RBL2: variants seen among roughly 807,000 people sequenced by gnomAD.
RBL2 encodes the protein retinoblastoma-like protein 2.
A neutral mutation model predicts 126.0 loss-of-function variants in RBL2; 56 were observed. The ratio of observed to expected loss-of-function variants is 0.44; its 90% CI spans 0.36 to 0.56. RBL2 has a LOEUF of 0.56. Ranked by LOEUF, RBL2 falls within the 20% of genes least tolerant of loss-of-function variation. RBL2 has a pLI of 0.00. For synonymous variants in RBL2, 454 were observed against 478.5 expected, an observed-to-expected ratio of 0.95 and a Z score of 0.67; for missense variants, 1,229 against 1,398.2, an observed-to-expected ratio of 0.88 and a Z score of 1.93.
At chr16:53,489,429 C>G (rs1688919654) in intron 21 of RBL2, 1 of 152,190 alleles carries the variant, frequency 6.6e-6, no homozygotes, top group Admixed American at 6.5e-5. Context: ...AACAAACTAG[C>G]AGAAAATAAT....
chr16:53,461,640 A>T, intron 9 of RBL2, 101 bp from the exon 10 acceptor site: 1 of 739,254 alleles, frequency 1.4e-6, no homozygotes, highest in Non-Finnish European at 2.1e-6. Flanking sequence ...TTCTGTTCAG[A>T]GTGTTTTATA....
At chr16:53,466,627 A>G (rs1001160745) in intron 13 of RBL2, 2 of 172,188 alleles carry the variant, frequency 1.2e-5, no homozygotes, top group Admixed American at 1.2e-4. Context: ...TCCTGTGAGA[A>G]TCTAATGCCA....
At chr16:53,469,854 G>C (rs1026921099) in intron 14 of RBL2, 62 bp from the exon 15 acceptor site, 2 of 1,471,808 alleles carry the variant, frequency 1.4e-6, no homozygotes, top group African/African-American at 2.8e-5. Flanking sequence ...TAAGAGCTTG[G>C]ACGGAAGTCA....
At chr16:53,485,393 G>A (rs188388786) in intron 21 of RBL2, among the ~76,000 whole-genome samples, 28 of 152,252 alleles carry the variant, frequency 1.8e-4, no homozygotes, top group African/African-American at 6.7e-4. Flanking sequence ...AAATTTGTGG[G>A]ATGTAGCTAA....
Position 53,434,537 on chromosome 16 carries a change from C to G in RBL2, c.-20C>G, listed in dbSNP as rs781547616. 3 of 1,433,288 alleles carry G rather than the reference C, an allele frequency of 2.1e-6. No homozygotes were observed. Among genetic ancestry groups the G allele is most frequent in the Non-Finnish European group, 2.7e-6 (3 of 1,099,768 alleles). The allele number at this position is 1,433,288 out of a possible 1,614,324, so 88.8% of individuals were successfully genotyped here. On this transcript the variant is annotated 5_prime_UTR_variant, in exon 1 of 22. Coordinates refer to ENST00000262133, the MANE Select transcript of RBL2 (RefSeq NM_005611.4). ...CCGGGCCCTCACCTCACCTGAGGTC[C>G]GGCCGCCCAGGGGTGCGCTATGCCG...
chr16:53,437,039 T>C (rs1364339618), intron 1 of RBL2, among the ~76,000 whole-genome samples: 1 of 151,412 alleles, frequency 6.6e-6, no homozygotes, highest in African/African-American at 2.5e-5. Flanking sequence ...GTTGTAAACT[T>C]TCTATTTTTT....
At position 53,434,521 on chromosome 16, in the gene RBL2, C is replaced by G. The variant is rs1183782468; in HGVS notation, c.-36C>G. 3 of 1,398,486 alleles carry G rather than the reference C, an allele frequency of 2.1e-6. No homozygotes were observed. Among genetic ancestry groups the G allele is most frequent in the South Asian group, 1.6e-5 (1 of 63,058 alleles). 86.6% of individuals were successfully genotyped at this position (1,398,486 alleles called of 1,614,324 possible). On this transcript the variant is annotated 5_prime_UTR_variant, in exon 1 of 22. Coordinates refer to ENST00000262133, the MANE Select transcript of RBL2 (RefSeq NM_005611.4). ...TTGAATGGCTGCGGGCCCGGGCCCTCACCTCACCTGAGGTCCGGCCGCCCA... is the reference window on the plus strand; with the variant it reads ...TTGAATGGCTGCGGGCCCGGGCCCTGACCTCACCTGAGGTCCGGCCGCCCA...
At chr16:53,456,114 T>A (rs1476900276) in intron 8 of RBL2, among the ~76,000 whole-genome samples, 5 of 152,094 alleles carry the variant, frequency 3.3e-5, no homozygotes, top group African/African-American at 1.2e-4. Flanking sequence ...AGTTCCAGGC[T>A]GCAGTGAGCC....
intron 13 of RBL2, chr16:53,466,672 A>G (rs1283348748): frequency 5.4e-6 from 1 of 185,650 alleles, no homozygotes; most frequent in Admixed American, 5.9e-5. Context: ...ACAGGCGGCA[A>G]TGTGAGCGAT....
Position 53,434,531 on chromosome 16 carries a change from G to C in RBL2, c.-26G>C. On this transcript the variant is annotated 5_prime_UTR_variant, in exon 1 of 22. It removes the in-frame stop codon of an upstream open reading frame in the 5' UTR. Coordinates refer to ENST00000262133, the MANE Select transcript of RBL2 (RefSeq NM_005611.4). ...GCGGGCCCGGGCCCTCACCTCACCT[G>C]AGGTCCGGCCGCCCAGGGGTGCGCT... The C allele has an allele frequency of 2.1e-6, 3 of 1,428,920 alleles. No homozygotes were observed. Among genetic ancestry groups the C allele is most frequent in the Non-Finnish European group, 2.7e-6 (3 of 1,097,580 alleles). The allele number at this position is 1,428,920 out of a possible 1,614,324, so 88.5% of individuals were successfully genotyped here.
intron 21 of RBL2, chr16:53,488,806 A>T (rs1407707356): frequency 1.3e-5 from 2 of 152,236 alleles, no homozygotes; most frequent in Non-Finnish European, 2.9e-5. Flanking sequence ...TACAGTAAAC[A>T]GTGTAAGAAA....
intron 3 of RBL2, among the ~76,000 whole-genome samples, chr16:53,443,851 T>A (rs1338380180): frequency 3.3e-5 from 5 of 151,982 alleles, no homozygotes; most frequent in Admixed American, 1.3e-4. Flanking sequence ...GGAAAAAAAA[T>A]TTAAAAAAAC....
chr16:53,450,162 T>C (rs2058101484), intron 4 of RBL2, among the ~76,000 whole-genome samples: 1 of 152,194 alleles, frequency 6.6e-6, no homozygotes, highest in African/African-American at 2.4e-5. Context: ...ATGCACAGTT[T>C]AATGTGTTGA....
intron 17 of RBL2, among the ~76,000 whole-genome samples, chr16:53,478,512 A>C (rs1960813639): frequency 6.8e-6 from 1 of 146,342 alleles, no homozygotes; most frequent in African/African-American, 2.5e-5. Context: ...TGTTCCTCAG[A>C]TCACACAATC....
At position 53,479,988 on chromosome 16, in the gene RBL2, A is replaced by C. The variant is rs770538579; in HGVS notation, c.2878A>C (p.Arg960=). 17 of 1,586,302 alleles carry C rather than the reference A, an allele frequency of 1.1e-5. 2 individuals carry two copies. In the Middle Eastern group the frequency reaches 1.0e-3, roughly 94 times the overall value. ...TTCTCCAACAGAACTAAACAAAGAT[A>C]GAAGTAAGTGGGATCTTTGTGAACT... ...QNSPTELNKD[R]TSRDSSPVMR... Residue 960 remains arginine (R), a synonymous_variant, in exon 19 of 22, where the codon AGA becomes CGA. Coordinates refer to ENST00000262133, the MANE Select transcript of RBL2 (RefSeq NM_005611.4).
At position 53,470,770 on chromosome 16, in the gene RBL2, C is replaced by T; in HGVS notation, c.2551C>T (p.Leu851Phe). 1 of 1,614,106 alleles carries T rather than the reference C, an allele frequency of 6.2e-7. No homozygotes were observed. The highest frequency in any genetic ancestry group is 8.5e-7 in the Non-Finnish European group (1 of 1,180,008). ...GGTATACCATTTAGCAGCTGTCCGC[C>T]TTCGGGATCTCTGTGCCAAACTAGA... ...RKVYHLAAVRLRDLCAKLDIS... is the reference protein window; with the variant it reads ...RKVYHLAAVRFRDLCAKLDIS... The change falls in exon 17 of 22, where the codon CTT (leucine) becomes TTT (phenylalanine). Residue 851 changes from leucine to phenylalanine, a missense_variant. Leu to Phe is a conservative substitution (Grantham distance 22). Transcript: ENST00000262133.
At chr16:53,446,905 C>A in intron 3 of RBL2, 137 bp from the exon 4 acceptor site, 1 of 447,096 alleles carries the variant, frequency 2.2e-6, no homozygotes, top group Non-Finnish European at 4.0e-6. Context: ...AGAACGTCCA[C>A]GTTTTCCATG....
intron 8 of RBL2, among the ~76,000 whole-genome samples, chr16:53,457,258 C>CTTTTTTTTTTTTTTTGTTTTTTT (rs2058177694): frequency 1.1e-5 from 1 of 89,954 alleles, no homozygotes; most frequent in Non-Finnish European, 2.0e-5. Flanking sequence ...GTACAGATAG[C>CTTTTTTTTTTTTTTTGTTTTTTT]TTTTTTTTTT....
At chr16:53,444,084 A>G (rs1344127499) in intron 3 of RBL2, among the ~76,000 whole-genome samples, 2 of 151,938 alleles carry the variant, frequency 1.3e-5, no homozygotes, top group Non-Finnish European at 2.9e-5. Context: ...CCCCGTCTCT[A>G]CTAAAAATAC....
Sources: gnomAD v4.1 joint callset for allele counts (sites outside exome capture counted in the v4.1 genomes callset) on GRCh38, gnomAD v4.1.1 for gene constraint, MANE v1.5 for transcripts, NCBI Gene and HGNC (gene_info 2026-07-23, HGNC 2026-07-21) for gene names.